Variants in MYH10 observed in about 807,000 individuals in gnomAD.
MYH10 encodes the protein myosin-10.
In MYH10, 55 loss-of-function variants were observed where a neutral mutation model predicts 257.8. The ratio of observed to expected loss-of-function variants is 0.21; its 90% CI spans 0.17 to 0.27. The LOEUF is 0.27. Ranked by LOEUF, MYH10 falls within the 10% of genes least tolerant of loss-of-function variation. The pLI is 1.00. For synonymous variants in MYH10, 854 were observed against 921.7 expected (o/e 0.93, Z 1.33); for missense variants, 1,631 against 2,500.6 (o/e 0.65, Z 7.42).
chr17:8,620,891 G>A (rs934021470), intron 2 of MYH10, among the ~76,000 whole-genome samples: 1 of 152,218 alleles, frequency 6.6e-6, no homozygotes, highest in African/African-American at 2.4e-5. Context: ...GAAGGAGGCT[G>A]TGCTTTGAAA....
In MYH10 at chr17:8,500,828, G is replaced by A. The variant is rs1917407740; in HGVS notation, c.3742C>T (p.Arg1248Trp). ...GCACACGGCAGGGCCTCCCTTACCC[G>A]CTTGGCCTGTTCCAGCTGCTCTGAG... ...ELSEQLEQAK[R>W]FKANLEKNKQ... Residue 1248 changes from arginine (R) to tryptophan (W), a missense_variant and splice_region_variant, in exon 29 of 43, where the codon CGG becomes TGG. Around this residue, in one of 11 missense-constraint regions of MYH10, gnomAD observed 463 missense variants for 621.8 expected, o/e 0.74. Coordinates refer to ENST00000360416, the MANE Select transcript of MYH10 (RefSeq NM_001256012.3). 10 of 1,612,402 alleles carry A rather than the reference G, an allele frequency of 6.2e-6. No homozygotes were observed. Among genetic ancestry groups the A allele is most frequent in the African/African-American group, 1.3e-5 (1 of 74,822 alleles).
intron 2 of MYH10, among the ~76,000 whole-genome samples, chr17:8,608,094 T>C (rs2084880765): frequency 6.6e-6 from 1 of 152,114 alleles, no homozygotes; most frequent in African/African-American, 2.4e-5. Context: ...GCAAAAATAG[T>C]TTGTACCATG....
rs1025581641 is a variant in MYH10 at position 8,604,760 on chromosome 17, CATT to C, written c.502+63_502+65del. The C allele has an allele frequency of 5.2e-6, 6 of 1,144,202 alleles. No individual in the cohort carries two copies. The African/African-American group carries it at 9.6e-5, about 18-fold the overall frequency. 70.9% of individuals were successfully genotyped at this position (1,144,202 alleles called of 1,614,324 possible). On this transcript the variant is annotated intron_variant, in intron 3 of 42. Coordinates refer to ENST00000360416, the MANE Select transcript of MYH10 (RefSeq NM_001256012.3). ...TTAACTTTTGTAGAATACATTGAGA[CATT>C]AAAAAACAGTAAATTACATTTAAGA... is the stretch of plus-strand genomic sequence containing the variant.
chr17:8,502,188 C>T (rs758567542), intron 28 of MYH10, among the ~76,000 whole-genome samples: 14 of 152,300 alleles, frequency 9.2e-5, no homozygotes, highest in South Asian at 2.1e-4. Flanking sequence ...CCTCTCTTTT[C>T]CTCTCTTCTC....
At position 8,478,451 on chromosome 17, in the gene MYH10, G is replaced by C; in HGVS notation, c.5598-5C>G. ...TTGTTGGCGGCTGCTCGTTCCCTGT[G>C]AAAGTGGTCACAGTAGTTTTGAAAT... On this transcript the variant is annotated splice_region_variant and splice_polypyrimidine_tract_variant and intron_variant, in intron 40 of 42. Coordinates refer to ENST00000360416, the MANE Select transcript of MYH10 (RefSeq NM_001256012.3). The C allele has an allele frequency of 6.2e-7, 1 of 1,613,614 alleles. No individual in the cohort carries two copies. The highest frequency in any genetic ancestry group is 8.5e-7 in the Non-Finnish European group (1 of 1,179,518).
intron 4 of MYH10, among the ~76,000 whole-genome samples, chr17:8,579,219 C>T (rs1382430368): frequency 6.6e-6 from 1 of 151,402 alleles, no homozygotes; most frequent in Non-Finnish European, 1.5e-5. Flanking sequence ...GTTGAGGCTG[C>T]AGTGAGCTGT....
At chr17:8,601,977 CTTTT>C (rs11481345) in intron 3 of MYH10, among the ~76,000 whole-genome samples, 133 of 138,860 alleles carry the variant, frequency 9.6e-4, no homozygotes, top group East Asian at 3.1e-3. Context: ...GAAACAGAAT[CTTTT>C]TTTTTTTTTT....
chr17:8,581,256 C>T (rs268458), intron 4 of MYH10, among the ~76,000 whole-genome samples: 147,123 of 152,300 alleles, frequency 0.97, 71,272 homozygotes, highest in East Asian at 1. Flanking sequence ...TCTCTCTGTT[C>T]TGTTCTTAAC....
intron 2 of MYH10, among the ~76,000 whole-genome samples, chr17:8,612,517 T>C (rs962636385): frequency 6.6e-6 from 1 of 152,184 alleles, no homozygotes; most frequent in Non-Finnish European, 1.5e-5. Flanking sequence ...ATAGTTATTG[T>C]TGTTAATCTC....
intron 1 of MYH10, among the ~76,000 whole-genome samples, chr17:8,628,433 G>A (rs1055095884): frequency 6.6e-6 from 1 of 152,088 alleles, no homozygotes; most frequent in Non-Finnish European, 1.5e-5. Flanking sequence ...TGTGGACAGA[G>A]GCAAACAATT....
intron 23 of MYH10, 85 bp from the exon 24 acceptor site, chr17:8,512,742 A>G (rs2081341323): frequency 9.5e-7 from 1 of 1,051,418 alleles, no homozygotes; most frequent in Non-Finnish European, 1.3e-6. Flanking sequence ...TGGTCAATGC[A>G]CATCAAAGAA....
intron 2 of MYH10, among the ~76,000 whole-genome samples, chr17:8,606,388 T>C (rs1459812537): frequency 6.6e-6 from 1 of 152,204 alleles, no homozygotes; most frequent in Non-Finnish European, 1.5e-5. Context: ...AGTTGCATTA[T>C]GAAACAGATC....
chr17:8,593,107 T>C (rs987823014), intron 3 of MYH10, among the ~76,000 whole-genome samples: 1 of 151,126 alleles, frequency 6.6e-6, no homozygotes, highest in African/African-American at 2.4e-5. Flanking sequence ...TCTGAATAGA[T>C]GTAAAAAAGC....
At position 8,476,856 on chromosome 17, in the gene MYH10, G is replaced by A. The variant is rs770608453; in HGVS notation, c.5879+20C>T. ...CCACAAAGCAGCTGCCTGTCAGCTC[G>A]GGGCCGCATGCCTGCTCACCTCAGC... On this transcript the variant is annotated intron_variant, in intron 42 of 42. Coordinates refer to ENST00000360416, the MANE Select transcript of MYH10 (RefSeq NM_001256012.3). The A allele has an allele frequency of 3.2e-5, 51 of 1,594,236 alleles. No homozygotes were observed. The highest frequency in any genetic ancestry group is 3.8e-5 in the Non-Finnish European group (45 of 1,171,800).
Position 8,513,861 on chromosome 17 carries a change from G to C in MYH10, c.2538C>G (p.Ala846=). 3 of 1,614,216 alleles carry C rather than the reference G, an allele frequency of 1.9e-6. No homozygotes were observed. Among genetic ancestry groups the C allele is most frequent in the Non-Finnish European group, 2.5e-6 (3 of 1,180,030 alleles). ...AFAKKQQQLS[A]LKVLQRNCAA... ...CACAGTTCCGCTGCAAGACCTTTAAGGCACTTAGTTGCTGCTGCTTCTTGG... is the reference window on the plus strand; with the variant it reads ...CACAGTTCCGCTGCAAGACCTTTAACGCACTTAGTTGCTGCTGCTTCTTGG... The change falls in exon 22 of 43, where the codon GCC becomes GCG. Residue 846 remains alanine, a synonymous_variant. Transcript: ENST00000360416.
rs1471746527 is a variant in MYH10, at chr17:8,619,716, G to A, written c.345+3186C>T. On this transcript the variant is annotated intron_variant, in intron 2 of 42. Coordinates refer to ENST00000360416, the MANE Select transcript of MYH10 (RefSeq NM_001256012.3). ...AGGCGGGTGGATCACTTGAGGTCAG[G>A]AGTTCAAGACCAGCCTGGCCAACAT... is the stretch of plus-strand genomic sequence containing the variant. 3.9e-5 allele frequency among the ~76,000 whole-genome samples: 6 copies of A among 152,172 alleles called. No homozygotes were observed. In the East Asian group the frequency reaches 1.2e-3, roughly 29 times the overall value.
At chr17:8,600,544 C>T (rs553031205) in intron 3 of MYH10, among the ~76,000 whole-genome samples, 19 of 152,148 alleles carry the variant, frequency 1.2e-4, no homozygotes, top group South Asian at 6.2e-4. Context: ...AAGTGAGAGA[C>T]GGAGGAATTC....
At chr17:8,585,286 G>GTATATATATATATATATATATA (rs71361807) in intron 4 of MYH10, among the ~76,000 whole-genome samples, 6,183 of 83,456 alleles carry the variant, frequency 0.074, 588 homozygotes, top group Non-Finnish European at 0.085. Flanking sequence ...ATGTGTGTGT[G>GTATATATATATATATATATATA]TGTATATATA....
At chr17:8,609,725 C>T (rs2084952987) in intron 2 of MYH10, among the ~76,000 whole-genome samples, 2 of 151,920 alleles carry the variant, frequency 1.3e-5, no homozygotes, top group Non-Finnish European at 2.9e-5. Context: ...TAAGAGCAGA[C>T]ATTTATTATA....
Sources: allele counts gnomAD v4.1 joint callset (sites outside exome capture counted in the v4.1 genomes callset), GRCh38; gene constraint gnomAD v4.1.1; regional missense constraint gnomAD v4.1.1; transcripts MANE v1.5; gene names NCBI Gene and HGNC (gene_info 2026-07-23, HGNC 2026-07-21).